The following NEBL variants were observed in gnomAD, a reference collection of about 807,000 sequenced individuals.
NEBL encodes the protein nebulette.
NEBL carries 122 observed loss-of-function variants against 140.2 expected under a neutral mutation model. That is an observed-to-expected ratio of 0.87 (90% CI 0.75 to 1.01). NEBL has a LOEUF of 1.01. NEBL is among the 50% of genes least tolerant of loss of function. NEBL has a pLI of 0.00. For synonymous variants in NEBL, 436 were observed against 398.9 expected (o/e 1.09, Z -1.11); for missense variants, 1,365 against 1,231.3 (o/e 1.11, Z -1.62).
intron 2 of NEBL, among the ~76,000 whole-genome samples, chr10:21,170,981 G>A (rs1243331159): frequency 1.3e-5 from 2 of 152,144 alleles, no homozygotes; most frequent in African/African-American, 4.8e-5. Context: ...AAGGCCAGGG[G>A]TCCAAAGGCC....
chr10:20,973,512 T>C (rs2131642295), intron 3 of NEBL, among the ~76,000 whole-genome samples: 1 of 152,276 alleles, frequency 6.6e-6, no homozygotes, highest in South Asian at 2.1e-4. Context: ...TGTCTCCCAA[T>C]ATGCTAGGAT....
At chr10:21,077,393 A>G (rs1000295241) in intron 2 of NEBL, among the ~76,000 whole-genome samples, 1 of 152,112 alleles carries the variant, frequency 6.6e-6, no homozygotes, top group Non-Finnish European at 1.5e-5. Context: ...TCACAAGGTC[A>G]GGAGATAGAG....
intron 3 of NEBL, among the ~76,000 whole-genome samples, chr10:21,014,861 C>T (rs1452891457): frequency 1.3e-5 from 2 of 152,192 alleles, no homozygotes; most frequent in Non-Finnish European, 2.9e-5. Flanking sequence ...CTTACCCTTA[C>T]TACTATCATT....
chr10:20,965,534 C>A (rs1836268223), intron 3 of NEBL, among the ~76,000 whole-genome samples: 1 of 152,190 alleles, frequency 6.6e-6, no homozygotes, highest in Non-Finnish European at 1.5e-5. Context: ...CTGGAGCAAC[C>A]TTAGTGGGAG....
intron 2 of NEBL, among the ~76,000 whole-genome samples, chr10:21,068,624 T>C (rs545628984): frequency 1.1e-4 from 16 of 152,318 alleles, no homozygotes; most frequent in Middle Eastern, 3.4e-3. Flanking sequence ...CCCGGACCCA[T>C]GGGCTCTGGT....
chr10:20,956,123 T>C lies in NEBL; in HGVS notation c.357+5549A>G, dbSNP rs76172221. ...TCAGCCTTTGAAGTTCTGCTCTACA[T>C]GGAAAAATAAAGCAAAACCAGGTGT... On this transcript the variant is annotated intron_variant, in intron 4 of 6. Transcript: ENST00000417816. 9.1e-3 allele frequency among the ~76,000 whole-genome samples: 1,391 copies of C among 152,230 alleles called. 21 individuals carry two copies. The highest frequency in any genetic ancestry group is 0.03 in the African/African-American group (1,241 of 41,528).
chr10:20,941,394 TA>T (rs1834856987), intron 4 of NEBL, among the ~76,000 whole-genome samples: 1 of 152,172 alleles, frequency 6.6e-6, no homozygotes, highest in Admixed American at 6.5e-5. Context: ...ACCTTCATGC[TA>T]AAAACTCTCA....
At chr10:21,004,470 C>T (rs1030401529) in intron 3 of NEBL, among the ~76,000 whole-genome samples, 5 of 152,130 alleles carry the variant, frequency 3.3e-5, no homozygotes, top group Non-Finnish European at 7.4e-5. Flanking sequence ...CCTGTAATCC[C>T]AGTACTTTCG....
At chr10:21,012,882 G>A (rs1007693726) in intron 3 of NEBL, among the ~76,000 whole-genome samples, 11 of 152,114 alleles carry the variant, frequency 7.2e-5, no homozygotes, top group Admixed American at 3.9e-4. Context: ...GGAATCAAAG[G>A]ACCAACTTTC....
intron 3 of NEBL, among the ~76,000 whole-genome samples, chr10:21,229,666 A>G (rs1842218606): frequency 6.6e-6 from 1 of 152,220 alleles, no homozygotes; most frequent in Non-Finnish European, 1.5e-5. Context: ...TCTATTCTGT[A>G]TCTCTCAAGA....
chr10:20,949,028 G>A (rs1835313382), intron 4 of NEBL, among the ~76,000 whole-genome samples: 1 of 152,218 alleles, frequency 6.6e-6, no homozygotes. Context: ...TCAGATGCAT[G>A]TATGTTTTTA....
intron 2 of NEBL, among the ~76,000 whole-genome samples, chr10:21,024,560 T>A (rs999004897): frequency 2.0e-5 from 3 of 150,774 alleles, no homozygotes; most frequent in African/African-American, 7.3e-5. Flanking sequence ...GATGGCCTCA[T>A]GAGTTGAGAC....
At chr10:20,939,287 C>G (rs1441166401) in intron 4 of NEBL, among the ~76,000 whole-genome samples, 2 of 152,162 alleles carry the variant, frequency 1.3e-5, no homozygotes, top group Non-Finnish European at 2.9e-5. Context: ...ATTCAACATT[C>G]TTAAAGAAAA....
At position 20,873,113 on chromosome 10, in the gene NEBL, A is replaced by C. The variant is rs143886727; in HGVS notation, c.481-3272T>G. Among the ~76,000 whole-genome samples, 9 of 152,306 alleles carry C rather than the reference A, an allele frequency of 5.9e-5. No homozygotes were observed. The East Asian group carries it at 1.7e-3, about 29-fold the overall frequency. On this transcript the variant is annotated intron_variant, in intron 5 of 27. Transcript: ENST00000377122. ...AGGGAAGCTCATCTGACATTTCTCA[A>C]TAAGTATTTGCTCCAATCTACCATC...
intron 9 of NEBL, among the ~76,000 whole-genome samples, chr10:20,854,767 G>A (rs780976778): frequency 5.3e-5 from 8 of 151,476 alleles, no homozygotes; most frequent in Non-Finnish European, 1.0e-4. Context: ...GTCCCACTAC[G>A]CTGCCCACGC....
At chr10:21,077,324 G>C (rs1009530238) in intron 2 of NEBL, among the ~76,000 whole-genome samples, 1 of 152,112 alleles carries the variant, frequency 6.6e-6, no homozygotes, top group Non-Finnish European at 1.5e-5. Flanking sequence ...GCTTTTGCTG[G>C]CCGGGCGCAG....
intron 4 of NEBL, among the ~76,000 whole-genome samples, chr10:20,926,837 T>C (rs1432907625): frequency 6.6e-6 from 1 of 152,200 alleles, no homozygotes; most frequent in Admixed American, 6.5e-5. Flanking sequence ...CGGTTTCAAT[T>C]TCTGAAAAGA....
At chr10:21,280,759 C>A (rs1189397621) in intron 1 of NEBL, among the ~76,000 whole-genome samples, 2 of 151,056 alleles carry the variant, frequency 1.3e-5, no homozygotes, top group Non-Finnish European at 2.9e-5. Flanking sequence ...GGATTACAGG[C>A]ACACACCATC....
intron 8 of NEBL, among the ~76,000 whole-genome samples, chr10:20,859,360 C>T (rs1843424010): frequency 6.6e-6 from 1 of 151,932 alleles, no homozygotes; most frequent in African/African-American, 2.4e-5. Context: ...CAGTACTTTA[C>T]AATAAACTCA....
Sources: allele counts gnomAD v4.1 joint callset (sites outside exome capture counted in the v4.1 genomes callset), GRCh38; gene constraint gnomAD v4.1.1; transcripts MANE v1.5; gene names NCBI Gene and HGNC (gene_info 2026-07-23, HGNC 2026-07-21).